CCDC171: variants seen among roughly 807,000 people sequenced by gnomAD.
CCDC171 encodes coiled-coil domain containing 171, also known as coiled-coil domain-containing protein 171.
A neutral mutation model predicts 168.2 loss-of-function variants in CCDC171; 177 were observed. The ratio of observed to expected loss-of-function variants is 1.05; its 90% CI spans 0.93 to 1.19. CCDC171 has a LOEUF of 1.19. Among genes scored for constraint, CCDC171 ranks in the 50% most tolerant of loss-of-function variants. The probability of loss-of-function intolerance (pLI) is 0.00; values close to 1 mark genes in which losing one functional copy is unlikely to be tolerated. For missense variants in CCDC171, 1,991 were observed against 1,539.0 expected (o/e 1.29, Z -4.91); for synonymous variants, 687 against 540.8 (o/e 1.27, Z -3.75).
intron 6 of CCDC171, among the ~76,000 whole-genome samples, chr9:15,594,454 T>A (rs1420714370): frequency 1.3e-5 from 2 of 152,174 alleles, no homozygotes; most frequent in Non-Finnish European, 2.9e-5. Context: ...AATTTGAGAC[T>A]AATAGCTGTT....
rs187240427 is a variant in CCDC171 at position 15,621,275 on chromosome 9, G to T, written c.676-1992G>T. Among the ~76,000 whole-genome samples, 21 of 152,168 alleles carry T rather than the reference G, an allele frequency of 1.4e-4. No individual in the cohort carries two copies. In the East Asian group the frequency reaches 3.9e-3, roughly 28 times the overall value. ...AGCCACTGTGCCTGACCTCAATAAA[G>T]TATTTTTAAATTAAAATAAATATGT... On this transcript the variant is annotated intron_variant, in intron 6 of 25. Transcript: ENST00000380701.
At chr9:15,774,138 C>T (rs138323247) in intron 18 of CCDC171, among the ~76,000 whole-genome samples, 18 of 149,858 alleles carry the variant, frequency 1.2e-4, no homozygotes, top group Middle Eastern at 3.4e-3. Context: ...CCCAGCTACT[C>T]GGGAGGCTGA....
intron 7 of CCDC171, among the ~76,000 whole-genome samples, chr9:15,650,275 G>A (rs1332942082): frequency 6.6e-6 from 1 of 152,138 alleles, no homozygotes; most frequent in Non-Finnish European, 1.5e-5. Context: ...GGGAGGGATA[G>A]CATTAACAGA....
intron 4 of CCDC171, among the ~76,000 whole-genome samples, chr9:15,585,981 A>G: frequency 6.6e-6 from 1 of 152,226 alleles, no homozygotes; most frequent in Non-Finnish European, 1.5e-5. Flanking sequence ...GTCTCAAAAA[A>G]ACAAAACGAA....
At chr9:15,637,475 TA>T (rs1318323869) in intron 7 of CCDC171, among the ~76,000 whole-genome samples, 4 of 151,898 alleles carry the variant, frequency 2.6e-5, no homozygotes, top group Admixed American at 1.3e-4. Context: ...ATTTTATTAT[TA>T]TTATTATTAT....
At chr9:15,560,071 C>T (rs2039152573) in intron 1 of CCDC171, among the ~76,000 whole-genome samples, 1 of 152,198 alleles carries the variant, frequency 6.6e-6, no homozygotes, top group African/African-American at 2.4e-5. Flanking sequence ...TCACTCTCTT[C>T]TGGCTTGTAG....
At chr9:15,640,030 A>G (rs982982534) in intron 7 of CCDC171, among the ~76,000 whole-genome samples, 6 of 152,164 alleles carry the variant, frequency 3.9e-5, no homozygotes, top group East Asian at 1.9e-4. Flanking sequence ...GGCATATAGT[A>G]GGTACTCTAT....
At chr9:15,608,385 C>G (rs571124737) in intron 6 of CCDC171, among the ~76,000 whole-genome samples, 1 of 152,088 alleles carries the variant, frequency 6.6e-6, no homozygotes, top group Admixed American at 6.5e-5. Context: ...GTATTTAGTG[C>G]GTATAAAATA....
At chr9:15,852,650 T>C (rs1343738233) in intron 23 of CCDC171, among the ~76,000 whole-genome samples, 1 of 151,718 alleles carries the variant, frequency 6.6e-6, no homozygotes, top group Non-Finnish European at 1.5e-5. Context: ...ATAATCCATG[T>C]CCAAATGCAA....
intron 7 of CCDC171, among the ~76,000 whole-genome samples, chr9:15,631,298 G>A (rs1321466109): frequency 6.6e-6 from 1 of 151,920 alleles, no homozygotes; most frequent in Non-Finnish European, 1.5e-5. Context: ...GAAGAAAAGA[G>A]AGAAGAATCA....
intron 21 of CCDC171, among the ~76,000 whole-genome samples, chr9:15,805,178 T>G (rs963281348): frequency 2.0e-5 from 3 of 151,864 alleles, no homozygotes; most frequent in African/African-American, 7.2e-5. Flanking sequence ...TTTTATTAAG[T>G]TTTTCAAAAA....
At chr9:16,031,060 T>A (rs895101034) in intron 6 of CCDC171, among the ~76,000 whole-genome samples, 2 of 152,198 alleles carry the variant, frequency 1.3e-5, no homozygotes, top group African/African-American at 4.8e-5. Flanking sequence ...AGACCTCACC[T>A]TAGGCAACAT....
chr9:15,599,222 T>G (rs1010431130), intron 6 of CCDC171, among the ~76,000 whole-genome samples: 4 of 152,190 alleles, frequency 2.6e-5, no homozygotes, highest in African/African-American at 9.7e-5. Context: ...GCTCATTAGT[T>G]GATGCAGTTT....
intron 11 of CCDC171, among the ~76,000 whole-genome samples, chr9:15,709,104 A>G (rs561988935): frequency 6.6e-6 from 1 of 152,336 alleles, no homozygotes; most frequent in African/African-American, 2.4e-5. Flanking sequence ...AATAAAATTT[A>G]GAAGCTATTT....
chr9:15,715,257 C>T (rs1016887542), intron 11 of CCDC171, among the ~76,000 whole-genome samples: 1 of 152,164 alleles, frequency 6.6e-6, no homozygotes, highest in African/African-American at 2.4e-5. Context: ...TAAATACTTT[C>T]CATATGTTAG....
chr9:15,753,366 A>G lies in CCDC171; in HGVS notation c.2671+7735A>G, dbSNP rs73416257. Among the ~76,000 whole-genome samples the G allele has an allele frequency of 3.7e-3, 571 of 152,324 alleles. 4 individuals carry two copies. Among genetic ancestry groups the G allele is most frequent in the African/African-American group, 0.013 (539 of 41,570 alleles). On this transcript the variant is annotated intron_variant, in intron 18 of 25. Coordinates refer to ENST00000380701, the MANE Select transcript of CCDC171 (RefSeq NM_173550.4). ...ACATAGAATGGAAGGAACAGACATT[A>G]AAAGGATGAGATTGAAAATCCGTGC...
At chr9:15,885,907 TA>T in intron 24 of CCDC171, 1 of 152,288 alleles carries the variant, frequency 6.6e-6, no homozygotes, top group African/African-American at 2.4e-5. Flanking sequence ...AACAGACTGT[TA>T]TTACTCTCAA....
chr9:16,093,899 G>T, the CCDC171 span, among the ~76,000 whole-genome samples: 1 of 152,122 alleles, frequency 6.6e-6, no homozygotes, highest in Admixed American at 6.5e-5. Flanking sequence ...GATAAATTGG[G>T]GTAGCTGCCA....
exon 2 of CCDC171, chr9:16,061,293 T>C (rs1833927970): frequency 6.6e-6 from 1 of 152,206 alleles, no homozygotes; most frequent in Non-Finnish European, 1.5e-5. Context: ...CAGTTTTCCA[T>C]CTGTAAACAA....
Sources: gnomAD v4.1 joint callset for allele counts (sites outside exome capture counted in the v4.1 genomes callset) on GRCh38, gnomAD v4.1.1 for gene constraint, MANE v1.5 for transcripts, NCBI Gene and HGNC (gene_info 2026-07-23, HGNC 2026-07-21) for gene names.